CNBD1: variants seen among roughly 807,000 people sequenced by gnomAD.
The protein encoded by CNBD1 is cyclic nucleotide binding domain containing 1.
Under a neutral mutation model 54.4 loss-of-function variants are expected in CNBD1, and 71 were observed. The ratio of observed to expected loss-of-function variants is 1.30; its 90% confidence interval spans 1.08 to 1.59. The LOEUF is 1.59. Among genes scored for constraint, CNBD1 ranks in the 40% most tolerant of loss-of-function variants. The pLI, the probability that CNBD1 is intolerant of heterozygous loss-of-function variation, is 0.00. For synonymous variants in CNBD1, 182 were observed against 170.7 expected (o/e 1.07, Z -0.51); for missense variants, 659 against 518.0 (o/e 1.27, Z -2.64).
chr8:86,871,081 T>TC (rs1447836500), intron 1 of CNBD1, among the ~76,000 whole-genome samples: 1 of 152,248 alleles, frequency 6.6e-6, no homozygotes, highest in Non-Finnish European at 1.5e-5. Flanking sequence ...CTGTTATAAC[T>TC]ATTTTGATGT....
At chr8:87,392,056 C>T (rs1196165446) in intron 2 of CNBD1, among the ~76,000 whole-genome samples, 1 of 152,018 alleles carries the variant, frequency 6.6e-6, no homozygotes, top group East Asian at 1.9e-4. Flanking sequence ...GAAAAAGGTA[C>T]TCACTTTCAC....
intron 4 of CNBD1, among the ~76,000 whole-genome samples, chr8:87,101,177 T>G (rs1811422339): frequency 6.6e-6 from 1 of 152,184 alleles, no homozygotes. Flanking sequence ...TGGGAAAAGT[T>G]ACTTAATAAA....
chr8:86,961,643 G>A (rs1807931551), intron 4 of CNBD1, among the ~76,000 whole-genome samples: 1 of 152,214 alleles, frequency 6.6e-6, no homozygotes. Flanking sequence ...TAGAGTGTCA[G>A]ATGTCTCTGA....
chr8:87,333,943 G>C (rs549984358), intron 8 of CNBD1, among the ~76,000 whole-genome samples: 13 of 152,250 alleles, frequency 8.5e-5, no homozygotes, highest in Admixed American at 2.0e-4. Context: ...TGAAAGAATG[G>C]TACCAGCTCC....
At chr8:87,372,465 C>T (rs1434450830) in intron 10 of CNBD1, among the ~76,000 whole-genome samples, 1 of 151,694 alleles carries the variant, frequency 6.6e-6, no homozygotes, top group African/African-American at 2.4e-5. Context: ...ATGTTTGTTC[C>T]CACTCCACTG....
rs566828378 is a variant in CNBD1 at position 87,024,362 on chromosome 8, G to C, written c.431+84608G>C. On this transcript the variant is annotated intron_variant, in intron 4 of 10. Transcript: ENST00000518476. ...AATTTATTTTATTTATCTTTTGAGA[G>C]GGAGTCTCACTGTGTCTCCCAGGCT... Among the ~76,000 whole-genome samples the C allele has an allele frequency of 1.2e-4, 18 of 150,924 alleles. No individual in the cohort carries two copies. In the East Asian group the frequency reaches 3.1e-3, roughly 26 times the overall value.
chr8:86,983,434 A>G (rs978677602), intron 4 of CNBD1, among the ~76,000 whole-genome samples: 1 of 152,190 alleles, frequency 6.6e-6, no homozygotes, highest in Non-Finnish European at 1.5e-5. Flanking sequence ...ATACCCAAAA[A>G]AGTGAAAGCA....
downstream of CNBD1, among the ~76,000 whole-genome samples, chr8:87,387,644 C>T (rs767979214): frequency 1.3e-5 from 2 of 152,286 alleles, no homozygotes; most frequent in Non-Finnish European, 1.5e-5. Context: ...TAGACTCCCA[C>T]ACAATCATAA....
At chr8:87,259,986 A>G (rs11774565) in intron 6 of CNBD1, among the ~76,000 whole-genome samples, 3 of 151,996 alleles carry the variant, frequency 2.0e-5, no homozygotes, top group Non-Finnish European at 4.4e-5. Flanking sequence ...CAGTCCGTGG[A>G]CAAGAAGAGA....
At chr8:86,903,680 T>C (rs1187079046) in intron 2 of CNBD1, among the ~76,000 whole-genome samples, 2 of 152,104 alleles carry the variant, frequency 1.3e-5, no homozygotes, top group African/African-American at 4.8e-5. Context: ...AAGGTTGCAG[T>C]TTCTTTTTGT....
At chr8:87,346,299 C>T (rs553807154) in intron 8 of CNBD1, among the ~76,000 whole-genome samples, 1 of 152,262 alleles carries the variant, frequency 6.6e-6, no homozygotes, top group East Asian at 1.9e-4. Flanking sequence ...ACCTCAGCCT[C>T]CCAAAGTGCT....
intron 2 of CNBD1, among the ~76,000 whole-genome samples, chr8:87,406,033 G>A (rs1329878834): frequency 1.3e-5 from 2 of 152,092 alleles, no homozygotes; most frequent in Non-Finnish European, 1.5e-5. Context: ...GGATATTGAA[G>A]CAGAGCTTGT....
chr8:87,346,690 A>T (rs180689350), intron 8 of CNBD1, among the ~76,000 whole-genome samples: 66 of 152,298 alleles, frequency 4.3e-4, no homozygotes, highest in Middle Eastern at 3.4e-3. Flanking sequence ...ATTTGCTAAT[A>T]GAGCATGTAT....
intron 4 of CNBD1, among the ~76,000 whole-genome samples, chr8:87,137,632 G>T (rs148379556): frequency 1.4e-4 from 21 of 152,290 alleles, no homozygotes; most frequent in Admixed American, 1.2e-3. Flanking sequence ...CCTGAAAGAC[G>T]TGCCACCTTG....
chr8:87,082,619 A>C (rs1811019303), intron 4 of CNBD1, among the ~76,000 whole-genome samples: 1 of 151,602 alleles, frequency 6.6e-6, no homozygotes, highest in Non-Finnish European at 1.5e-5. Flanking sequence ...TTTATATTTA[A>C]GTGGGTTTCT....
At chr8:87,122,137 CT>C (rs1339832282) in intron 4 of CNBD1, among the ~76,000 whole-genome samples, 8 of 151,714 alleles carry the variant, frequency 5.3e-5, no homozygotes, top group African/African-American at 1.9e-4. Context: ...TTTGAGGAAC[CT>C]CCATACCATT....
At chr8:87,231,893 AG>A (rs140002843) in intron 5 of CNBD1, among the ~76,000 whole-genome samples, 8,543 of 152,172 alleles carry the variant, frequency 0.056, 776 homozygotes, top group African/African-American at 0.18. Context: ...TCACCCTAAA[AG>A]TTCTCTTTAT....
intron 10 of CNBD1, among the ~76,000 whole-genome samples, chr8:87,371,495 G>C (rs1810794912): frequency 6.6e-6 from 1 of 151,948 alleles, no homozygotes; most frequent in Non-Finnish European, 1.5e-5. Flanking sequence ...TATGAGGCCA[G>C]CATCATCCTG....
intron 2 of CNBD1, among the ~76,000 whole-genome samples, chr8:86,895,959 G>A (rs756077968): frequency 1.3e-5 from 2 of 151,724 alleles, no homozygotes. Flanking sequence ...TGTGTTGTTT[G>A]GTTTTCTATT....
Sources: allele counts gnomAD v4.1 joint callset (sites outside exome capture counted in the v4.1 genomes callset), GRCh38; gene constraint gnomAD v4.1.1; transcripts MANE v1.5; gene names NCBI Gene and HGNC (gene_info 2026-07-23, HGNC 2026-07-21).